The following CACNB2 variants were observed in gnomAD, a reference collection of about 807,000 sequenced individuals.
CACNB2 encodes voltage-dependent L-type calcium channel subunit beta-2.
CACNB2 carries 42 observed loss-of-function variants against 73.3 expected under a neutral mutation model. The ratio of observed to expected loss-of-function variants is 0.57; its 90% CI spans 0.45 to 0.74. CACNB2 has a LOEUF of 0.74. CACNB2 is among the 30% of genes least tolerant of loss of function. The probability of loss-of-function intolerance (pLI) is 0.00; values close to 1 mark genes in which losing one functional copy is unlikely to be tolerated. For synonymous variants in CACNB2, 348 were observed against 310.3 expected (o/e 1.12, Z -1.28); for missense variants, 940 against 853.0 (o/e 1.10, Z -1.27).
At chr10:18,289,284 G>GTTTTTTTTTTTTTTTTTTTTTTTTT (rs1489491866) in intron 2 of CACNB2, among the ~76,000 whole-genome samples, 4 of 85,568 alleles carry the variant, frequency 4.7e-5, no homozygotes, top group African/African-American at 5.8e-5. Context: ...TTTTTTTCTT[G>GTTTTTTTTTTTTTTTTTTTTTTTTT]TTTTTTTGTT....
intron 2 of CACNB2, among the ~76,000 whole-genome samples, chr10:18,170,522 G>T (rs958563963): frequency 2.4e-4 from 36 of 152,262 alleles, no homozygotes; most frequent in Non-Finnish European, 4.0e-4. Context: ...ACTGGCATCA[G>T]AACATGCATT....
intron 2 of CACNB2, among the ~76,000 whole-genome samples, chr10:18,207,930 A>T (rs1378439862): frequency 1.3e-5 from 2 of 152,236 alleles, no homozygotes; most frequent in African/African-American, 4.8e-5. Flanking sequence ...GAGTGAATTA[A>T]CAGTTTTGAT....
chr10:18,422,414 T>C (rs927885003), intron 3 of CACNB2, among the ~76,000 whole-genome samples: 5 of 152,238 alleles, frequency 3.3e-5, no homozygotes, highest in Non-Finnish European at 5.9e-5. Context: ...GCCATTTTTC[T>C]GGCTTCTTAG....
At chr10:18,218,437 G>C (rs1344515222) in intron 2 of CACNB2, among the ~76,000 whole-genome samples, 4 of 152,122 alleles carry the variant, frequency 2.6e-5, no homozygotes, top group Non-Finnish European at 5.9e-5. Flanking sequence ...AATGTTCTTG[G>C]TTATAACATT....
chr10:18,491,863 G>T (rs1410744583), intron 3 of CACNB2, among the ~76,000 whole-genome samples: 1 of 132,492 alleles, frequency 7.5e-6, no homozygotes, highest in African/African-American at 2.8e-5. Flanking sequence ...AGCGTTTGAG[G>T]ACTATCAAAG....
intron 3 of CACNB2, among the ~76,000 whole-genome samples, chr10:18,464,418 T>TAAAATAAAATAAAAAAAAAAAAAAAAAA (rs1554824204): frequency 1.2e-5 from 1 of 85,298 alleles, no homozygotes; most frequent in Non-Finnish European, 2.3e-5. Flanking sequence ...TCTCAAAAAT[T>TAAAATAAAATAAAAAAAAAAAAAAAAAA]AAAAAAAAAA....
intron 10 of CACNB2, among the ~76,000 whole-genome samples, chr10:18,529,377 C>T (rs1046663804): frequency 1.3e-5 from 2 of 152,192 alleles, no homozygotes; most frequent in African/African-American, 2.4e-5. Context: ...GAAGCCCCTT[C>T]CCTCAAGGAG....
chr10:18,430,629 CA>C (rs1314969352), intron 3 of CACNB2, among the ~76,000 whole-genome samples: 2 of 152,076 alleles, frequency 1.3e-5, no homozygotes, highest in Admixed American at 1.3e-4. Context: ...GACCTTGTCT[CA>C]ATCGATCAGT....
At chr10:18,286,620 A>T in intron 2 of CACNB2, among the ~76,000 whole-genome samples, 1 of 143,204 alleles carries the variant, frequency 7.0e-6, no homozygotes, top group East Asian at 2.3e-4. Context: ...TAATGTTTTT[A>T]TGCATTTTCC....
chr10:18,523,086 A>AC (rs1249806330), intron 9 of CACNB2, among the ~76,000 whole-genome samples: 1 of 152,098 alleles, frequency 6.6e-6, no homozygotes, highest in African/African-American at 2.4e-5. Flanking sequence ...CAGGAAATAG[A>AC]CCCTTTAGCT....
chr10:18,474,238 G>T (rs556691860), intron 3 of CACNB2, among the ~76,000 whole-genome samples: 2 of 152,190 alleles, frequency 1.3e-5, no homozygotes, highest in Non-Finnish European at 2.9e-5. Flanking sequence ...GCACCCTGCA[G>T]ACTTGCTGTT....
At chr10:18,509,952 A>G (rs550456123) in intron 6 of CACNB2, among the ~76,000 whole-genome samples, 2 of 152,376 alleles carry the variant, frequency 1.3e-5, no homozygotes, top group South Asian at 4.1e-4. Flanking sequence ...AAATATAAGT[A>G]TGAAATTTAA....
At chr10:18,360,283 A>G (rs2042091447) in intron 2 of CACNB2, among the ~76,000 whole-genome samples, 1 of 152,188 alleles carries the variant, frequency 6.6e-6, no homozygotes, top group African/African-American at 2.4e-5. Flanking sequence ...GGAGTGCAGT[A>G]GAGCAATAAT....
intron 2 of CACNB2, among the ~76,000 whole-genome samples, chr10:18,162,078 C>A (rs1034278286): frequency 6.6e-6 from 1 of 151,978 alleles, no homozygotes; most frequent in Non-Finnish European, 1.5e-5. Flanking sequence ...TTATTCTTTT[C>A]TCTCTCATAT....
rs1008413155 is a variant in CACNB2, at chr10:18,541,065, T to G, written c.*1341T>G. Reference sequence around the variant, plus strand: ...TTTTAGTAAGAAATGTTTACACAGCTTGTGGAATTATTTCGTGGGAAAATA... The same window carrying G: ...TTTTAGTAAGAAATGTTTACACAGCGTGTGGAATTATTTCGTGGGAAAATA... On this transcript the variant is annotated 3_prime_UTR_variant, in exon 14 of 14. Transcript: ENST00000324631. The G allele has an allele frequency of 8.0e-5, 12 of 150,036 alleles. No individual in the cohort carries two copies. The highest frequency in any genetic ancestry group is 2.9e-4 in the African/African-American group (12 of 40,694). 9.3% of individuals were successfully genotyped at this position (150,036 alleles called of 1,614,324 possible). A position where few individuals can be genotyped will look rare whatever the true frequency, so the allele number is the denominator to read the frequency against.
At chr10:18,226,293 C>T (rs567971371) in intron 2 of CACNB2, among the ~76,000 whole-genome samples, 1 of 152,276 alleles carries the variant, frequency 6.6e-6, no homozygotes, top group East Asian at 1.9e-4. Flanking sequence ...TCCCAGAGTA[C>T]TGGGATTACA....
At chr10:18,401,502 T>G (rs924584431) in intron 2 of CACNB2, among the ~76,000 whole-genome samples, 8 of 152,180 alleles carry the variant, frequency 5.3e-5, no homozygotes, top group African/African-American at 1.4e-4. Context: ...GAGTTCAAGT[T>G]TATAACTCAG....
chr10:18,316,802 T>C (rs2040204388), intron 2 of CACNB2, among the ~76,000 whole-genome samples: 1 of 152,142 alleles, frequency 6.6e-6, no homozygotes, highest in South Asian at 2.1e-4. Flanking sequence ...CCTATAAGAA[T>C]AAATAAGTGG....
chr10:18,211,442 G>A (rs538386444), intron 2 of CACNB2, among the ~76,000 whole-genome samples: 3 of 152,212 alleles, frequency 2.0e-5, no homozygotes, highest in South Asian at 2.1e-4. Context: ...ATAAAGTAAA[G>A]CATTACATAC....
Sources: gnomAD v4.1 joint callset for allele counts (sites outside exome capture counted in the v4.1 genomes callset) on GRCh38, gnomAD v4.1.1 for gene constraint, MANE v1.5 for transcripts, NCBI Gene and HGNC (gene_info 2026-07-23, HGNC 2026-07-21) for gene names.